Variants in PTPRD observed in about 807,000 individuals in gnomAD.
The protein encoded by PTPRD is receptor-type tyrosine-protein phosphatase delta.
In PTPRD, 34 loss-of-function variants were observed where a neutral mutation model predicts 214.5. The ratio of observed to expected loss-of-function variants is 0.16; its 90% CI spans 0.12 to 0.21. The LOEUF (loss-of-function observed/expected upper bound fraction) is 0.21, where lower values mean the gene tolerates loss of function less well. Ranked by LOEUF, PTPRD falls within the 10% of genes least tolerant of loss-of-function variation. The probability of loss-of-function intolerance (pLI) is 1.00; values close to 1 mark genes in which losing one functional copy is unlikely to be tolerated. For missense variants in PTPRD, 2,545 were observed against 2,398.7 expected (o/e 1.06, Z -1.27); for synonymous variants, 1,128 against 845.7 (o/e 1.33, Z -5.79).
At chr9:10,245,743 G>A (rs1186777500) in intron 3 of PTPRD, among the ~76,000 whole-genome samples, 1 of 152,122 alleles carries the variant, frequency 6.6e-6, no homozygotes, top group Admixed American at 6.6e-5. Context: ...TGTGTGTATT[G>A]GGACAGGGGG....
chr9:9,309,098 AATTT>A (rs1330011355), intron 9 of PTPRD, among the ~76,000 whole-genome samples: 1 of 152,114 alleles, frequency 6.6e-6, no homozygotes, highest in Non-Finnish European at 1.5e-5. Flanking sequence ...AAAAACCAAG[AATTT>A]ATTTGAAAAT....
intron 2 of PTPRD, among the ~76,000 whole-genome samples, chr9:10,573,799 CA>C (rs1219499365): frequency 6.6e-6 from 1 of 151,988 alleles, no homozygotes; most frequent in Non-Finnish European, 1.5e-5. Flanking sequence ...AGAAGAAAGG[CA>C]AATGTGAGAG....
intron 9 of PTPRD, among the ~76,000 whole-genome samples, chr9:9,244,190 T>C (rs1414190159): frequency 6.6e-6 from 1 of 152,044 alleles, no homozygotes; most frequent in African/African-American, 2.4e-5. Context: ...AGAATCAATA[T>C]CGTGAAAATG....
chr9:9,516,757 C>T (rs565719073), intron 8 of PTPRD, among the ~76,000 whole-genome samples: 4 of 148,828 alleles, frequency 2.7e-5, no homozygotes, highest in Non-Finnish European at 6.1e-5. Flanking sequence ...AAGGTGGTCT[C>T]AATCTCTTGA....
In PTPRD at chr9:10,049,442, A is replaced by AAGAAAGAAAGAAAGAAAGAAAGAAAAG. The variant is rs1242275018; in HGVS notation, c.-544-15653_-544-15652insCTTTTCTTTCTTTCTTTCTTTCTTTCT. On this transcript the variant is annotated intron_variant, in intron 3 of 45. Coordinates refer to ENST00000381196, the MANE Select transcript of PTPRD (RefSeq NM_002839.4). ...AAGAAAGAAAGAAAGAAAGAAAAGAAAAAAAAAAACCCTTCTATATGTGTG... is the reference window on the plus strand; with the variant it reads ...AAGAAAGAAAGAAAGAAAGAAAAGAAAGAAAGAAAGAAAGAAAGAAAGAAAAGAAAAAAAAACCCTTCTATATGTGTG... 6.1e-5 allele frequency among the ~76,000 whole-genome samples: 5 copies of AAGAAAGAAAGAAAGAAAGAAAGAAAAG among 82,266 alleles called. No homozygotes were observed. The East Asian group carries it at 3.3e-3, about 55-fold the overall frequency. The allele number at this position is 82,266 out of a possible 152,430, so 54.0% of individuals were successfully genotyped here.
chr9:8,601,324 C>A (rs2094847297), intron 14 of PTPRD, among the ~76,000 whole-genome samples: 1 of 152,198 alleles, frequency 6.6e-6, no homozygotes. Flanking sequence ...GAACTCACCA[C>A]CCTTAAAAGA....
At chr9:9,321,306 A>G (rs1966358797) in intron 9 of PTPRD, among the ~76,000 whole-genome samples, 2 of 152,188 alleles carry the variant, frequency 1.3e-5, no homozygotes, top group Admixed American at 6.5e-5. Flanking sequence ...CTGTAATCCC[A>G]ACACTTTGGG....
At chr9:9,257,871 A>T (rs1402435281) in intron 9 of PTPRD, among the ~76,000 whole-genome samples, 1 of 151,910 alleles carries the variant, frequency 6.6e-6, no homozygotes, top group Non-Finnish European at 1.5e-5. Context: ...GTCTTAAAAA[A>T]TTTTCCGAAC....
At chr9:8,754,053 G>A (rs891175209) in intron 11 of PTPRD, among the ~76,000 whole-genome samples, 2 of 152,136 alleles carry the variant, frequency 1.3e-5, no homozygotes, top group African/African-American at 4.8e-5. Flanking sequence ...GCTGAAGCAG[G>A]AGAATCACTT....
intron 10 of PTPRD, among the ~76,000 whole-genome samples, chr9:9,131,067 A>C (rs1189426132): frequency 6.6e-6 from 1 of 152,182 alleles, no homozygotes; most frequent in African/African-American, 2.4e-5. Flanking sequence ...GAAAAGTCTG[A>C]AAAAATAGTT....
intron 12 of PTPRD, among the ~76,000 whole-genome samples, chr9:8,677,823 G>A (rs1243586990): frequency 2.6e-5 from 4 of 152,080 alleles, no homozygotes; most frequent in Non-Finnish European, 4.4e-5. Context: ...CACAAGCAGC[G>A]GGGACTCACT....
intron 11 of PTPRD, among the ~76,000 whole-genome samples, chr9:8,891,240 C>T (rs1242935754): frequency 1.3e-5 from 2 of 149,394 alleles, no homozygotes; most frequent in Admixed American, 6.8e-5. Context: ...TTCAGGCCAT[C>T]CTCCTGCCTC....
At position 10,247,860 on chromosome 9, in the gene PTPRD, T is replaced by G. The variant is rs1441425777; in HGVS notation, c.-545+93103A>C. 3.3e-5 allele frequency among the ~76,000 whole-genome samples: 5 copies of G among 152,210 alleles called. No individual in the cohort carries two copies. In the South Asian group the frequency reaches 6.2e-4, roughly 19 times the overall value. On this transcript the variant is annotated intron_variant, in intron 3 of 45. Coordinates refer to ENST00000381196, the MANE Select transcript of PTPRD (RefSeq NM_002839.4). ...AAGTAACGCAGTGATATGGTTTGTC[T>G]CTGTGTCCCCACCCAAACCTCATCT...
chr9:9,925,187 T>C (rs1211305322), intron 5 of PTPRD, among the ~76,000 whole-genome samples: 1 of 152,216 alleles, frequency 6.6e-6, no homozygotes, highest in South Asian at 2.1e-4. Flanking sequence ...TTAGTGGCAA[T>C]GATCACTTAT....
intron 7 of PTPRD, among the ~76,000 whole-genome samples, chr9:9,731,326 G>A (rs184148473): frequency 2.0e-5 from 3 of 151,862 alleles, no homozygotes; most frequent in Admixed American, 1.3e-4. Flanking sequence ...CTCTCAAATG[G>A]CACTCAGTTT....
intron 9 of PTPRD, among the ~76,000 whole-genome samples, chr9:9,223,530 T>C (rs1462172170): frequency 6.6e-6 from 1 of 152,044 alleles, no homozygotes; most frequent in Non-Finnish European, 1.5e-5. Flanking sequence ...TAAAATAAAC[T>C]AGGTATATTC....
At chr9:9,175,835 G>A (rs184962008) in intron 10 of PTPRD, among the ~76,000 whole-genome samples, 1 of 152,016 alleles carries the variant, frequency 6.6e-6, no homozygotes, top group East Asian at 1.9e-4. Context: ...TGGAAAATGG[G>A]TCATCGACTA....
At chr9:10,131,296 C>T (rs1157186153) in intron 3 of PTPRD, among the ~76,000 whole-genome samples, 1 of 152,082 alleles carries the variant, frequency 6.6e-6, no homozygotes, top group Non-Finnish European at 1.5e-5. Flanking sequence ...CACTAGATAC[C>T]ATAGTGTAAC....
chr9:8,807,724 T>TA (rs1189286379), intron 11 of PTPRD, among the ~76,000 whole-genome samples: 1 of 152,200 alleles, frequency 6.6e-6, no homozygotes, highest in Non-Finnish European at 1.5e-5. Flanking sequence ...CTTTCATGGT[T>TA]ATTCAGAACT....
Sources: gnomAD v4.1 joint callset for allele counts (sites outside exome capture counted in the v4.1 genomes callset) on GRCh38, gnomAD v4.1.1 for gene constraint, MANE v1.5 for transcripts, NCBI Gene and HGNC (gene_info 2026-07-23, HGNC 2026-07-21) for gene names.